Variants in MSN observed in about 807,000 individuals in gnomAD.
MSN encodes epididymis luminal protein 70.
MSN carries 2 observed loss-of-function variants against 48.0 expected under a neutral mutation model. That is an observed-to-expected ratio of 0.04 (90% CI 0.02 to 0.13). The LOEUF (loss-of-function observed/expected upper bound fraction) is 0.13, where lower values mean the gene tolerates loss of function less well. Ranked by LOEUF, MSN falls within the 10% of genes least tolerant of loss-of-function variation. The pLI, the probability that MSN is intolerant of heterozygous loss-of-function variation, is 1.00. For synonymous variants in MSN, 146 were observed against 166.9 expected (o/e 0.87, Z 0.97); for missense variants, 267 against 470.1 (o/e 0.57, Z 3.99).
At chrX:65,664,707 G>A (rs2070853401), upstream of MSN, among the ~76,000 whole-genome samples, 1 of 99,583 alleles carries the variant, frequency 1.0e-5, no homozygotes, top group South Asian at 4.9e-4. Flanking sequence ...AGCTCCCCGA[G>A]CCTCTGACAC....
intron 1 of MSN, among the ~76,000 whole-genome samples, chrX:65,607,113 G>A (rs984036325): frequency 2.7e-5 from 3 of 111,938 alleles, no homozygotes; most frequent in East Asian, 5.6e-4. Flanking sequence ...CATTTAATCC[G>A]TGAAATAACC....
intron 6 of MSN, 152 bp downstream of exon 6, chrX:65,732,136 G>C (rs1302566428): frequency 3.7e-5 from 21 of 571,774 alleles, no homozygotes; most frequent in Admixed American, 1.7e-4. Flanking sequence ...ACTTCCCTTA[G>C]TCAATACTAA....
At chrX:65,707,818 C>CT (rs1274461993) in intron 1 of MSN, among the ~76,000 whole-genome samples, 1 of 111,641 alleles carries the variant, frequency 9.0e-6, no homozygotes, top group Non-Finnish European at 1.9e-5. Flanking sequence ...CCTGATTAAT[C>CT]TAAGAGAGAA....
At position 65,736,796 on chromosome X, in the gene MSN, G is replaced by T; in HGVS notation, c.961G>T (p.Ala321Ser). ...EEKHQKQMER[A>S]MLENEKKKRE... Reference sequence around the variant, plus strand: ...TATCCATTTTATCTCCTTCCCTAGTGCTATGCTGGAAAATGAGAAGAAGAA... The same window carrying T: ...TATCCATTTTATCTCCTTCCCTAGTTCTATGCTGGAAAATGAGAAGAAGAA... Residue 321 changes from alanine to serine, a missense_variant and splice_region_variant, in exon 9 of 13, where the codon GCT becomes TCT. Ala to Ser is a moderately conservative substitution (Grantham distance 99). Transcript: ENST00000360270. 8.6e-7 allele frequency: 1 copy of T among 1,166,851 alleles called. No homozygotes were observed. Among genetic ancestry groups the T allele is most frequent in the Non-Finnish European group, 1.1e-6 (1 of 872,482 alleles).
intron 1 of MSN, among the ~76,000 whole-genome samples, chrX:65,627,256 CCATATGTATTAATA>C (rs1481301497): frequency 1.8e-5 from 2 of 108,668 alleles, no homozygotes; most frequent in Non-Finnish European, 3.8e-5. Flanking sequence ...ATGTATTAGT[CCATATGTATTAATA>C]CATATGTATT....
intron 1 of MSN, among the ~76,000 whole-genome samples, chrX:65,697,421 G>A (rs2071255841): frequency 8.9e-6 from 1 of 111,752 alleles, no homozygotes; most frequent in Non-Finnish European, 1.9e-5. Flanking sequence ...GGTGGGGAGG[G>A]AAGACAAGGG....
At chrX:65,708,707 G>A (rs1361248869) in intron 1 of MSN, among the ~76,000 whole-genome samples, 1 of 109,707 alleles carries the variant, frequency 9.1e-6, no homozygotes, top group African/African-American at 3.3e-5. Context: ...TTTTGAGACG[G>A]AGTCTTGCTC....
At chrX:65,706,730 G>A (rs2071365774) in intron 1 of MSN, among the ~76,000 whole-genome samples, 1 of 112,150 alleles carries the variant, frequency 8.9e-6, no homozygotes, top group South Asian at 3.7e-4. Flanking sequence ...TGTTGGCTGA[G>A]TAAATGTGAC....
chrX:65,670,896 T>TTA (rs57076717), intron 1 of MSN, among the ~76,000 whole-genome samples: 4 of 14,055 alleles, frequency 2.8e-4, no homozygotes, highest in Admixed American at 1.4e-3. Flanking sequence ...ATGATGACAG[T>TTA]TATATATATA....
intron 1 of MSN, among the ~76,000 whole-genome samples, chrX:65,634,892 G>T (rs1318182520): frequency 9.0e-6 from 1 of 111,198 alleles, no homozygotes; most frequent in Admixed American, 9.5e-5. Flanking sequence ...GCCCCTGGGA[G>T]CCCTGTCAGT....
intron 1 of MSN, among the ~76,000 whole-genome samples, chrX:65,645,224 C>T (rs942069760): frequency 8.9e-6 from 1 of 111,853 alleles, no homozygotes; most frequent in African/African-American, 3.3e-5. Context: ...CTGGAGCTAT[C>T]AGGACCCTCC....
At chrX:65,736,519 C>T (rs2071677803) in intron 8 of MSN, among the ~76,000 whole-genome samples, 1 of 108,811 alleles carries the variant, frequency 9.2e-6, no homozygotes, top group African/African-American at 3.4e-5. Context: ...ACTGCAACCT[C>T]CGCCTCCTGT....
rs758104881 is a variant in MSN at position 65,738,728 on chromosome X, C to T, written c.1344+111C>T. On this transcript the variant is annotated intron_variant, in intron 11 of 12. Coordinates refer to ENST00000360270, the MANE Select transcript of MSN (RefSeq NM_002444.3). ...CTCCCTCCCTCTTTCATACTTCCCA[C>T]AGCAGGCAGCATGGGAGAAGGCACT... The T allele has an allele frequency of 1.9e-5, 14 of 733,657 alleles. No homozygotes were observed. In the East Asian group the frequency reaches 3.5e-4, roughly 18 times the overall value. 60.5% of individuals were successfully genotyped at this position (733,657 alleles called of 1,213,427 possible).
chrX:65,671,125 G>C (rs185200290), intron 1 of MSN, among the ~76,000 whole-genome samples: 4 of 106,328 alleles, frequency 3.8e-5, no homozygotes, highest in Admixed American at 2.1e-4. Context: ...TATTGAAAAG[G>C]CTCTCCACAA....
At chrX:65,640,963 G>C (rs992615438) in intron 1 of MSN, among the ~76,000 whole-genome samples, 1 of 110,565 alleles carries the variant, frequency 9.0e-6, no homozygotes, top group Non-Finnish European at 1.9e-5. Flanking sequence ...ACAAAAATTA[G>C]CTGGGCGTGG....
intron 1 of MSN, among the ~76,000 whole-genome samples, chrX:65,591,102 C>T (rs973927197): frequency 2.7e-5 from 3 of 111,446 alleles, no homozygotes; most frequent in Non-Finnish European, 5.6e-5. Flanking sequence ...CAAGCTGGTT[C>T]GTCTCCTGGG....
chrX:65,618,847 G>A (rs1179452145), intron 1 of MSN, among the ~76,000 whole-genome samples: 110 of 111,369 alleles, frequency 9.9e-4, no homozygotes, highest in African/African-American at 3.0e-3. Flanking sequence ...GGCTGGTACC[G>A]GTTGTTCCTT....
At chrX:65,597,135 A>G (rs2070193373) in intron 1 of MSN, among the ~76,000 whole-genome samples, 1 of 110,789 alleles carries the variant, frequency 9.0e-6, no homozygotes, top group Non-Finnish European at 1.9e-5. Context: ...TGAAGCCTCA[A>G]CCTCCTGGGC....
At chrX:65,646,568 T>A (rs778687190) in intron 1 of MSN, among the ~76,000 whole-genome samples, 1 of 112,003 alleles carries the variant, frequency 8.9e-6, no homozygotes, top group South Asian at 3.7e-4. Context: ...GACATTATCT[T>A]TTCTAAAAAC....
Sources: allele counts gnomAD v4.1 joint callset (sites outside exome capture counted in the v4.1 genomes callset), GRCh38; gene constraint gnomAD v4.1.1; transcripts MANE v1.5; gene names NCBI Gene and HGNC (gene_info 2026-07-23, HGNC 2026-07-21).